Variants in CYFIP2 observed in about 807,000 individuals in gnomAD.
The protein encoded by CYFIP2 is cytoplasmic FMR1-interacting protein 2.
CYFIP2 carries 29 observed loss-of-function variants against 158.7 expected under a neutral mutation model. The observed-to-expected ratio is 0.18, with a 90% CI of 0.14 to 0.25. CYFIP2 has a LOEUF of 0.25. CYFIP2 is among the 10% of genes least tolerant of loss of function. CYFIP2 has a pLI of 1.00. For synonymous variants in CYFIP2, 585 were observed against 617.6 expected (o/e 0.95, Z 0.78); for missense variants, 852 against 1,639.5 (o/e 0.52, Z 8.29).
intron 26 of CYFIP2, among the ~76,000 whole-genome samples, chr5:157,382,110 G>T (rs765063381): frequency 1.3e-5 from 2 of 152,160 alleles, no homozygotes; most frequent in Non-Finnish European, 2.9e-5. Context: ...GCTAGTTGAT[G>T]TCTGGTGTGG....
intron 18 of CYFIP2, among the ~76,000 whole-genome samples, chr5:157,327,471 A>G (rs1335414373): frequency 6.6e-6 from 1 of 152,030 alleles, no homozygotes; most frequent in East Asian, 1.9e-4. Flanking sequence ...AGGCTGAAGG[A>G]TGAGAATCAC....
chr5:157,284,773 C>T (rs1757245509), intron 1 of CYFIP2, among the ~76,000 whole-genome samples: 1 of 152,162 alleles, frequency 6.6e-6, no homozygotes, highest in African/African-American at 2.4e-5. Context: ...GACAGTGGCT[C>T]CTCCATCTTT....
rs767111838 is a variant in CYFIP2, at chr5:157,390,521, G to A, written c.3447G>A (p.Glu1149=). 14 of 1,549,954 alleles carry A rather than the reference G, an allele frequency of 9.0e-6. No individual in the cohort carries two copies. The Middle Eastern group carries it at 1.9e-3, about 212-fold the overall frequency. Reference sequence around the variant, plus strand: ...AGCTGCTTCCTCCCCCTGCTCCCAGGCAGTGTTTCGGCGATGGCTTGAACT... The same window carrying A: ...AGCTGCTTCCTCCCCCTGCTCCCAGACAGTGTTTCGGCGATGGCTTGAACT... ...IPVGTNEFTA[E]QCFGDGLNWA... Residue 1149 remains glutamate, a splice_region_variant and synonymous_variant, in exon 30 of 31, where the codon GAG becomes GAA. Coordinates refer to ENST00000620254, the MANE Select transcript of CYFIP2 (RefSeq NM_001037333.3).
chr5:157,394,130 G>A lies in CYFIP2; in HGVS notation c.*1130G>A, dbSNP rs1176098673. 6.6e-6 allele frequency: 1 copy of A among 152,150 alleles called. No homozygotes were observed. Among genetic ancestry groups the A allele is most frequent in the African/African-American group, 2.4e-5 (1 of 41,414 alleles). The allele number at this position is 152,150 out of a possible 1,614,324, so 9.4% of individuals were successfully genotyped here. A position where few individuals can be genotyped will look rare whatever the true frequency, so the allele number is the denominator to read the frequency against. ...TTTTAGCTTTTACTCTCAACTTGCTGTTCTCTTTACATTCCTTAAGTTAGA... is the reference window on the plus strand; with the variant it reads ...TTTTAGCTTTTACTCTCAACTTGCTATTCTCTTTACATTCCTTAAGTTAGA... On this transcript the variant is annotated 3_prime_UTR_variant, in exon 31 of 31. Coordinates refer to ENST00000620254, the MANE Select transcript of CYFIP2 (RefSeq NM_001037333.3).
Position 157,361,617 on chromosome 5 carries a change from G to A in CYFIP2, c.3039+19G>A. ...AGCTCTGGTAAGTCCAGAGCCCAAA[G>A]GAAGTGGGGTGTCTCCAGGTTGGAG... On this transcript the variant is annotated intron_variant, in intron 26 of 30. Coordinates refer to ENST00000620254, the MANE Select transcript of CYFIP2 (RefSeq NM_001037333.3). The surrounding 1 kb of genome is among the most constrained non-coding windows in gnomAD (Gnocchi z 4.4). 6.2e-7 allele frequency: 1 copy of A among 1,613,706 alleles called. No individual in the cohort carries two copies. The highest frequency in any genetic ancestry group is 8.5e-7 in the Non-Finnish European group (1 of 1,179,746).
chr5:157,297,945 G>A (rs1280543158), intron 5 of CYFIP2, among the ~76,000 whole-genome samples: 1 of 152,212 alleles, frequency 6.6e-6, no homozygotes, highest in Non-Finnish European at 1.5e-5. Flanking sequence ...TGCAGATATG[G>A]ACCATTTTCA....
Position 157,384,494 on chromosome 5 carries a change from G to A in CYFIP2, c.3207+1135G>A, listed in dbSNP as rs994151705. On this transcript the variant is annotated intron_variant, in intron 28 of 30. Transcript: ENST00000620254. Reference sequence around the variant, plus strand: ...GGGCAAAAGGACTCAAATCCTCAGCGGAGGACAGAAGGTGGCCTCTCTTCT... The same window carrying A: ...GGGCAAAAGGACTCAAATCCTCAGCAGAGGACAGAAGGTGGCCTCTCTTCT... 3.3e-5 allele frequency: 15 copies of A among 456,658 alleles called. No individual in the cohort carries two copies. The East Asian group carries it at 4.9e-4, about 15-fold the overall frequency. 28.3% of individuals were successfully genotyped at this position (456,658 alleles called of 1,614,324 possible). A position where few individuals can be genotyped will look rare whatever the true frequency, so the allele number is the denominator to read the frequency against.
At chr5:157,367,841 G>A (rs1273482620) in intron 26 of CYFIP2, among the ~76,000 whole-genome samples, 1 of 142,296 alleles carries the variant, frequency 7.0e-6, no homozygotes, top group Non-Finnish European at 1.5e-5. Context: ...TGTAACCTCC[G>A]CCTCCCAGGT....
intron 22 of CYFIP2, 39 bp downstream of exon 22, chr5:157,339,295 T>G: frequency 6.8e-5 from 103 of 1,505,072 alleles, no homozygotes; most frequent in East Asian, 9.1e-5. Context: ...GGGTGGGGGT[T>G]GGGGGAGTGG....
At chr5:157,365,398 G>A (rs1033279538) in intron 26 of CYFIP2, 42 of 152,140 alleles carry the variant, frequency 2.8e-4, no homozygotes, top group African/African-American at 1.0e-3. Flanking sequence ...AAATTTAACA[G>A]TTGATCACTT....
intron 26 of CYFIP2, among the ~76,000 whole-genome samples, chr5:157,371,173 C>G (rs1764963281): frequency 6.6e-6 from 1 of 152,122 alleles, no homozygotes; most frequent in South Asian, 2.1e-4. Context: ...GGCTCTGTAT[C>G]CTCGGGGCTT....
chr5:157,391,442 A>G (rs1011964246), intron 30 of CYFIP2, among the ~76,000 whole-genome samples: 7 of 152,362 alleles, frequency 4.6e-5, no homozygotes, highest in African/African-American at 1.7e-4. Flanking sequence ...CCATTAAAAA[A>G]TAATTCCATT....
intron 5 of CYFIP2, 117 bp downstream of exon 5, chr5:157,296,891 CTG>C (rs1227250178): frequency 2.6e-6 from 2 of 783,364 alleles, no homozygotes; most frequent in Non-Finnish European, 4.1e-6. Context: ...TATTTTTTGA[CTG>C]TGCCCTACAC....
chr5:157,365,720 G>C (rs966765043), intron 26 of CYFIP2, among the ~76,000 whole-genome samples: 3 of 150,738 alleles, frequency 2.0e-5, no homozygotes, highest in Non-Finnish European at 4.4e-5. Context: ...TATTTCCAGA[G>C]ATAGTGTTGC....
intron 29 of CYFIP2, among the ~76,000 whole-genome samples, chr5:157,389,893 G>A (rs1217008636): frequency 6.6e-6 from 1 of 152,206 alleles, no homozygotes; most frequent in Non-Finnish European, 1.5e-5. Flanking sequence ...TGGGGAACTG[G>A]GGACACCTGC....
At chr5:157,285,600 T>G (rs940319794) in intron 2 of CYFIP2, 122 bp downstream of exon 2, 6 of 808,568 alleles carry the variant, frequency 7.4e-6, no homozygotes, top group Non-Finnish European at 1.2e-5. Context: ...TGTGAGCTGA[T>G]GGAGTCCCTT....
intron 15 of CYFIP2, chr5:157,322,851 T>C: frequency 7.8e-7 from 1 of 1,274,324 alleles, no homozygotes. Context: ...ACCTCTTGCT[T>C]TTCTCTCTCT....
chr5:157,298,774 G>T (rs56669305), intron 5 of CYFIP2, among the ~76,000 whole-genome samples: 1 of 152,028 alleles, frequency 6.6e-6, no homozygotes, highest in African/African-American at 2.4e-5. Context: ...ATGCTGCCAT[G>T]GATTTGCCTG....
At position 157,395,046 on chromosome 5, in the gene CYFIP2, A is replaced by G. The variant is rs550586904; in HGVS notation, c.*2046A>G. 6.4e-6 allele frequency: 1 copy of G among 155,358 alleles called. No homozygotes were observed. The highest frequency in any genetic ancestry group is 1.9e-4 in the East Asian group (1 of 5,236). The allele number at this position is 155,358 out of a possible 1,614,324, so 9.6% of individuals were successfully genotyped here. A position where few individuals can be genotyped will look rare whatever the true frequency, so the allele number is the denominator to read the frequency against. ...GACTTCATGGAGATTTGAATAATCTATTTGATGAGATTTCTATTTCAATAA... is the reference window on the plus strand; with the variant it reads ...GACTTCATGGAGATTTGAATAATCTGTTTGATGAGATTTCTATTTCAATAA... On this transcript the variant is annotated 3_prime_UTR_variant, in exon 31 of 31. Coordinates refer to ENST00000620254, the MANE Select transcript of CYFIP2 (RefSeq NM_001037333.3).
Sources: gnomAD v4.1 joint callset for allele counts (sites outside exome capture counted in the v4.1 genomes callset) on GRCh38, gnomAD v4.1.1 for gene constraint, Gnocchi (gnomAD v3.1) non-coding constraint, MANE v1.5 for transcripts, NCBI Gene and HGNC (gene_info 2026-07-23, HGNC 2026-07-21) for gene names.